Variants in TUT4 observed in about 807,000 individuals in gnomAD.
The protein encoded by TUT4 is terminal uridylyltransferase 4.
A neutral mutation model predicts 192.2 loss-of-function variants in TUT4; 36 were observed. The observed-to-expected ratio is 0.19, with a 90% CI of 0.14 to 0.25. The LOEUF is 0.25. Among genes scored for constraint, TUT4 ranks in the 10% least tolerant of loss-of-function variants. The pLI, the probability that TUT4 is intolerant of heterozygous loss-of-function variation, is 1.00. For missense variants in TUT4, 1,493 were observed against 1,957.2 expected (o/e 0.76, Z 4.47); for synonymous variants, 618 against 666.0 (o/e 0.93, Z 1.11).
chr1:52,469,548 G>A (rs957443558), intron 14 of TUT4, among the ~76,000 whole-genome samples: 1 of 152,110 alleles, frequency 6.6e-6, no homozygotes, highest in Admixed American at 6.5e-5. Flanking sequence ...TAATGAGTTC[G>A]AGTTGGATAT....
rs1009697828 is a variant in TUT4, at chr1:52,510,381, C to G, written c.883-669G>C. Reference sequence around the variant, plus strand: ...CTATTTAGTCTTATTCCAATGTTGTCCCCAAAACTGATTTCAAATTTAACT... The same window carrying G: ...CTATTTAGTCTTATTCCAATGTTGTGCCCAAAACTGATTTCAAATTTAACT... On this transcript the variant is annotated intron_variant, in intron 3 of 29. Coordinates refer to ENST00000257177, the MANE Select transcript of TUT4 (RefSeq NM_001009881.3). Among the ~76,000 whole-genome samples the G allele has an allele frequency of 2.7e-5, 4 of 150,274 alleles. No individual in the cohort carries two copies. In the East Asian group the frequency reaches 7.8e-4, roughly 29 times the overall value.
At chr1:52,468,360 T>C (rs1292967833) in intron 14 of TUT4, 93 bp from the exon 15 acceptor site, 1 of 928,740 alleles carries the variant, frequency 1.1e-6, no homozygotes, top group Admixed American at 3.3e-5. Context: ...AAATTTTACT[T>C]ACAGTTTGTT....
intron 13 of TUT4, 93 bp downstream of exon 13, chr1:52,474,739 T>C (rs1666661494): frequency 3.6e-6 from 4 of 1,115,166 alleles, no homozygotes; most frequent in Non-Finnish European, 5.0e-6. Flanking sequence ...GTCACCACTT[T>C]ATATAGCTAT....
intron 2 of TUT4, among the ~76,000 whole-genome samples, chr1:52,518,711 A>G (rs1366553816): frequency 6.6e-6 from 1 of 152,224 alleles, no homozygotes; most frequent in Non-Finnish European, 1.5e-5. Flanking sequence ...CCAGACACAG[A>G]AGACCACATA....
intron 1 of TUT4, among the ~76,000 whole-genome samples, chr1:52,542,522 C>T (rs1202013372): frequency 2.0e-5 from 3 of 152,000 alleles, no homozygotes; most frequent in South Asian, 2.1e-4. Flanking sequence ...CCAAACAAAA[C>T]GAAAAACCAC....
intron 2 of TUT4, 62 bp from the exon 3 acceptor site, chr1:52,516,116 G>GTCT: frequency 7.8e-7 from 1 of 1,288,924 alleles, no homozygotes; most frequent in Non-Finnish European, 1.1e-6. Context: ...ATTTTTTAAT[G>GTCT]GAAAACAGAC....
chr1:52,539,186 AT>A (rs1484925177), intron 1 of TUT4, among the ~76,000 whole-genome samples: 1 of 152,200 alleles, frequency 6.6e-6, no homozygotes, highest in Non-Finnish European at 1.5e-5. Flanking sequence ...AATTCAGAAA[AT>A]TTTGGTGGGA....
intron 20 of TUT4, among the ~76,000 whole-genome samples, chr1:52,447,408 C>T (rs1657840364): frequency 6.7e-6 from 1 of 150,152 alleles, no homozygotes; most frequent in South Asian, 2.1e-4. Context: ...GAGATCGTGC[C>T]ACTGCACTCC....
chr1:52,511,988 T>C (rs1007281359), intron 3 of TUT4, among the ~76,000 whole-genome samples: 2 of 152,222 alleles, frequency 1.3e-5, no homozygotes, highest in Non-Finnish European at 2.9e-5. Flanking sequence ...AAAGAGTTGC[T>C]TTCAGGAGTT....
chr1:52,478,922 T>C (rs1667784143), intron 11 of TUT4, among the ~76,000 whole-genome samples: 1 of 152,166 alleles, frequency 6.6e-6, no homozygotes, highest in Non-Finnish European at 1.5e-5. Flanking sequence ...TCATGGATCT[T>C]ACTTTCTATG....
At chr1:52,448,897 C>G (rs77521585) in intron 20 of TUT4, among the ~76,000 whole-genome samples, 1,879 of 152,300 alleles carry the variant, frequency 0.012, 33 homozygotes, top group African/African-American at 0.043. Context: ...TCAGTAATAT[C>G]CATGATCCAG....
chr1:52,447,590 C>T (rs921263718), intron 20 of TUT4, among the ~76,000 whole-genome samples: 2 of 150,940 alleles, frequency 1.3e-5, no homozygotes, highest in Non-Finnish European at 2.9e-5. Context: ...GAGAAAAAAA[C>T]GCTATTTTTA....
chr1:52,425,200 C>T, intron 29 of TUT4, 149 bp downstream of exon 29: 1 of 988,802 alleles, frequency 1.0e-6, no homozygotes, highest in Admixed American at 2.6e-5. Flanking sequence ...TTTACAAGCA[C>T]CTAGCACCAT....
In TUT4 at chr1:52,461,210, G is replaced by A; in HGVS notation, c.3245C>T (p.Thr1082Ile). ...SLYNTLAQHNTRMLATYAAID... is the reference protein window; with the variant it reads ...SLYNTLAQHNIRMLATYAAID... ...AGCTGCATAAGTAGCTAGCATTCTTGTGTTATGTTGAGCCTGAAAAATAAT... is the reference window on the plus strand; with the variant it reads ...AGCTGCATAAGTAGCTAGCATTCTTATGTTATGTTGAGCCTGAAAAATAAT... The change falls in exon 19 of 30, where the codon ACA becomes ATA. Residue 1082 changes from threonine to isoleucine, a missense_variant. Coordinates refer to ENST00000257177, the MANE Select transcript of TUT4 (RefSeq NM_001009881.3). 6.2e-7 allele frequency: 1 copy of A among 1,605,352 alleles called. No individual in the cohort carries two copies. Among genetic ancestry groups the A allele is most frequent in the Non-Finnish European group, 8.5e-7 (1 of 1,176,134 alleles).
At chr1:52,447,188 G>A (rs149600794) in intron 20 of TUT4, among the ~76,000 whole-genome samples, 1,879 of 152,180 alleles carry the variant, frequency 0.012, 34 homozygotes, top group African/African-American at 0.043. Context: ...GGTGGTTCAC[G>A]CCTGTAATCC....
chr1:52,474,633 G>A (rs1666639021), intron 13 of TUT4, among the ~76,000 whole-genome samples, 199 bp downstream of exon 13: 1 of 152,128 alleles, frequency 6.6e-6, no homozygotes, highest in Non-Finnish European at 1.5e-5. Context: ...GTAATAGAAT[G>A]CTGAAACCTT....
intron 24 of TUT4, among the ~76,000 whole-genome samples, chr1:52,441,705 G>A (rs1655628410): frequency 6.6e-6 from 1 of 152,068 alleles, no homozygotes; most frequent in South Asian, 2.1e-4. Context: ...TCCAGTTGAG[G>A]CTGGTAAACG....
intron 9 of TUT4, among the ~76,000 whole-genome samples, chr1:52,486,583 T>C (rs1669848994): frequency 2.0e-5 from 3 of 152,188 alleles, no homozygotes; most frequent in Admixed American, 1.3e-4. Context: ...AAAAATCTTT[T>C]AGAAGAAAAA....
At chr1:52,459,193 G>T (rs957998015) in intron 19 of TUT4, among the ~76,000 whole-genome samples, 1 of 152,030 alleles carries the variant, frequency 6.6e-6, no homozygotes, top group African/African-American at 2.4e-5. Flanking sequence ...GGCTGAGGCA[G>T]GAGAATGGCG....
Sources: gnomAD v4.1 joint callset for allele counts (sites outside exome capture counted in the v4.1 genomes callset) on GRCh38, gnomAD v4.1.1 for gene constraint, MANE v1.5 for transcripts, NCBI Gene and HGNC (gene_info 2026-07-23, HGNC 2026-07-21) for gene names.